The following TERB2 variants were observed in gnomAD, a reference collection of about 807,000 sequenced individuals.
TERB2 encodes the protein telomere repeat binding bouquet formation protein 2.
TERB2 carries 26 observed loss-of-function variants against 29.8 expected under a neutral mutation model. That is an observed-to-expected ratio of 0.87 (90% CI 0.64 to 1.21). TERB2 has a LOEUF of 1.21. TERB2 is among the 50% of genes most tolerant of loss of function. The probability of loss-of-function intolerance (pLI) is 0.00; values close to 1 mark genes in which losing one functional copy is unlikely to be tolerated. For missense variants in TERB2, 240 were observed against 268.6 expected, an observed-to-expected ratio of 0.89 and a Z score of 0.74; for synonymous variants, 80 against 90.8, an observed-to-expected ratio of 0.88 and a Z score of 0.68.
chr15:44,970,094 G>A (rs540523), intron 5 of TERB2: 5 of 153,212 alleles, frequency 3.3e-5, no homozygotes, highest in Non-Finnish European at 7.3e-5. Flanking sequence ...ACATTGGTTA[G>A]AAGGCAAAAT....
In TERB2 at chr15:44,978,826, A is replaced by G; in HGVS notation, c.*198A>G. ...CATTTTTCCCCTAGCTTTTAACAAC[A>G]TGTTCAAATATTCTCAATGCACAGT... On this transcript the variant is annotated 3_prime_UTR_variant, in exon 7 of 7. Transcript: ENST00000340827. The G allele has an allele frequency of 3.4e-6, 2 of 579,840 alleles. No homozygotes were observed. Among genetic ancestry groups the G allele is most frequent in the Non-Finnish European group, 2.5e-6 (1 of 399,376 alleles). The allele number at this position is 579,840 out of a possible 1,614,324, so 35.9% of individuals were successfully genotyped here.
Position 44,978,726 on chromosome 15 carries a change from A to C in TERB2, c.*98A>C. 2.3e-6 allele frequency: 3 copies of C among 1,295,596 alleles called. No individual in the cohort carries two copies. Among genetic ancestry groups the C allele is most frequent in the Non-Finnish European group, 3.0e-6 (3 of 1,001,088 alleles). The allele number at this position is 1,295,596 out of a possible 1,614,324, so 80.3% of individuals were successfully genotyped here. On this transcript the variant is annotated 3_prime_UTR_variant, in exon 7 of 7. Transcript: ENST00000340827. ...TCCCTTTTGGTACTGGGGGATAGTG[A>C]AATGGGAAATAATTTTTCTGTTTCT... is the stretch of plus-strand genomic sequence containing the variant.
chr15:44,969,632 TA>T (rs372158706), intron 5 of TERB2, among the ~76,000 whole-genome samples: 65 of 142,874 alleles, frequency 4.5e-4, no homozygotes, highest in African/African-American at 3.1e-4. Flanking sequence ...CTACAAAAGA[TA>T]AAAAAAAAAA....
chr15:44,965,162 CAAAA>C (rs66756472), intron 4 of TERB2, among the ~76,000 whole-genome samples: 1 of 48,814 alleles, frequency 2.0e-5, no homozygotes, highest in Non-Finnish European at 3.3e-5. Flanking sequence ...GACTCTGTCT[CAAAA>C]AAAAAAAAAA....
intron 6 of TERB2, among the ~76,000 whole-genome samples, chr15:44,975,793 T>A (rs1892038330): frequency 6.6e-6 from 1 of 152,218 alleles, no homozygotes; most frequent in Non-Finnish European, 1.5e-5. Flanking sequence ...TTTGTTTTGC[T>A]TTCAGCTTTT....
At chr15:44,957,336 T>G (rs1053033956) in intron 2 of TERB2, among the ~76,000 whole-genome samples, 5 of 151,786 alleles carry the variant, frequency 3.3e-5, no homozygotes, top group African/African-American at 7.3e-5. Flanking sequence ...GGGAAAGAAA[T>G]AGACAACCTC....
chr15:44,966,041 T>C, intron 4 of TERB2, 117 bp from the exon 5 acceptor site: 2 of 545,012 alleles, frequency 3.7e-6, no homozygotes, highest in Non-Finnish European at 5.8e-6. Context: ...AATGTGTAAA[T>C]ATTTTTATGG....
intron 6 of TERB2, among the ~76,000 whole-genome samples, chr15:44,976,517 G>A (rs925652604): frequency 1.2e-4 from 19 of 152,038 alleles, no homozygotes; most frequent in African/African-American, 4.6e-4. Flanking sequence ...GCACGCCCAA[G>A]AAAAAAAGCC....
At chr15:44,977,971 CA>C (rs978167997) in intron 6 of TERB2, among the ~76,000 whole-genome samples, 2 of 152,080 alleles carry the variant, frequency 1.3e-5, no homozygotes, top group Non-Finnish European at 2.9e-5. Flanking sequence ...TAATTGACAT[CA>C]AAATTACTCT....
intron 5 of TERB2, among the ~76,000 whole-genome samples, chr15:44,972,620 A>G (rs1365374153): frequency 6.6e-6 from 1 of 151,178 alleles, no homozygotes; most frequent in Non-Finnish European, 1.5e-5. Flanking sequence ...GGTTCAAGCA[A>G]TTCTCTTGCC....
chr15:44,971,224 A>T (rs1306359311), intron 5 of TERB2: 1 of 152,410 alleles, frequency 6.6e-6, no homozygotes, highest in Non-Finnish European at 1.5e-5. Flanking sequence ...TAATGTTTAG[A>T]AACAGCCAAA....
In TERB2 at chr15:44,978,485, G is replaced by T; in HGVS notation, c.524-4G>T. ...TATATCTTTTTTTAAATTTTATTTT[G>T]TAGGTTATATATCAATTGATGCCAT... On this transcript the variant is annotated splice_polypyrimidine_tract_variant and splice_region_variant and intron_variant, in intron 6 of 6. Transcript: ENST00000340827. 6.4e-7 allele frequency: 1 copy of T among 1,571,518 alleles called. No homozygotes were observed. The highest frequency in any genetic ancestry group is 1.2e-5 in the South Asian group (1 of 80,932).
At chr15:44,973,549 A>G (rs1414005464) in intron 5 of TERB2, 1 of 152,322 alleles carries the variant, frequency 6.6e-6, no homozygotes, top group African/African-American at 2.4e-5. Flanking sequence ...CAATTAAATT[A>G]CTATATATGT....
chr15:44,957,001 C>T, intron 2 of TERB2, 24 bp downstream of exon 2: 1 of 1,597,842 alleles, frequency 6.3e-7, no homozygotes, highest in South Asian at 1.1e-5. Context: ...CCTGGCAGTG[C>T]CTCTTATGTT....
At chr15:44,963,791 T>G (rs1376914349) in intron 4 of TERB2, among the ~76,000 whole-genome samples, 6 of 151,012 alleles carry the variant, frequency 4.0e-5, no homozygotes, top group Non-Finnish European at 8.8e-5. Context: ...TATATGGTAT[T>G]TATTATACTA....
intron 6 of TERB2, among the ~76,000 whole-genome samples, chr15:44,976,664 T>C (rs1225189278): frequency 6.6e-6 from 1 of 152,166 alleles, no homozygotes; most frequent in African/African-American, 2.4e-5. Context: ...TTGGGGCCAC[T>C]GGGTGGCTGG....
At chr15:44,958,720 A>T (rs1169590223) in intron 3 of TERB2, among the ~76,000 whole-genome samples, 3 of 152,254 alleles carry the variant, frequency 2.0e-5, no homozygotes, top group African/African-American at 7.2e-5. Flanking sequence ...GTTTATTCAT[A>T]CATTCATTGA....
chr15:44,965,617 T>C (rs1166383095), intron 4 of TERB2, among the ~76,000 whole-genome samples: 2 of 144,822 alleles, frequency 1.4e-5, no homozygotes, highest in African/African-American at 5.0e-5. Flanking sequence ...AATAGATATA[T>C]AAATATATAT....
chr15:44,966,317 C>A, intron 5 of TERB2, 74 bp downstream of exon 5: 1 of 860,116 alleles, frequency 1.2e-6, no homozygotes, highest in African/African-American at 1.8e-5. Context: ...GTGCTTATCT[C>A]ATTTAATTTT....
Sources: allele counts gnomAD v4.1 joint callset (sites outside exome capture counted in the v4.1 genomes callset), GRCh38; gene constraint gnomAD v4.1.1; transcripts MANE v1.5; gene names NCBI Gene and HGNC (gene_info 2026-07-23, HGNC 2026-07-21).